CSMD1: variants seen among roughly 807,000 people sequenced by gnomAD.
CSMD1 encodes CUB and Sushi multiple domains 1.
CSMD1 carries 213 observed loss-of-function variants against 417.5 expected under a neutral mutation model. That is an observed-to-expected ratio of 0.51 (90% CI 0.46 to 0.57). CSMD1 has a LOEUF of 0.57. Among genes scored for constraint, CSMD1 ranks in the 20% least tolerant of loss-of-function variants. CSMD1 has a pLI of 0.00. For synonymous variants in CSMD1, 2,862 were observed against 1,736.8 expected, an observed-to-expected ratio of 1.65 and a Z score of -16.11; for missense variants, 6,923 against 4,529.7, an observed-to-expected ratio of 1.53 and a Z score of -15.17.
chr8:4,193,572 G>C (rs984015723), intron 3 of CSMD1, among the ~76,000 whole-genome samples: 1 of 152,196 alleles, frequency 6.6e-6, no homozygotes, highest in Admixed American at 6.5e-5. Context: ...GAAAACAAAT[G>C]AAAGAGGCAG....
intron 4 of CSMD1, among the ~76,000 whole-genome samples, chr8:4,022,919 C>A (rs948549491): frequency 6.6e-6 from 1 of 152,076 alleles, no homozygotes; most frequent in African/African-American, 2.4e-5. Flanking sequence ...AGCAAGTGTG[C>A]AACTAAGTAA....
At chr8:2,970,790 C>T (rs1388226911) in intron 57 of CSMD1, among the ~76,000 whole-genome samples, 2 of 152,154 alleles carry the variant, frequency 1.3e-5, no homozygotes, top group African/African-American at 4.8e-5. Context: ...ATACATTAAG[C>T]TACTGTTAAA....
chr8:4,678,704 C>T (rs763877049), intron 1 of CSMD1, among the ~76,000 whole-genome samples: 1 of 152,140 alleles, frequency 6.6e-6, no homozygotes, highest in Admixed American at 6.6e-5. Flanking sequence ...ATAAAAATGT[C>T]TTCAAGGACC....
At chr8:4,022,355 C>G (rs1796832412) in intron 4 of CSMD1, among the ~76,000 whole-genome samples, 1 of 152,000 alleles carries the variant, frequency 6.6e-6, no homozygotes, top group African/African-American at 2.4e-5. Flanking sequence ...GAATAGCATA[C>G]TTAAAATCAT....
At chr8:3,403,498 G>C (rs1464588600) in intron 15 of CSMD1, among the ~76,000 whole-genome samples, 2 of 152,090 alleles carry the variant, frequency 1.3e-5, no homozygotes, top group East Asian at 3.9e-4. Context: ...TTTTCTTTCT[G>C]CCGAGGGCTT....
At chr8:4,984,972 A>T (rs1811096094) in intron 1 of CSMD1, among the ~76,000 whole-genome samples, 1 of 152,160 alleles carries the variant, frequency 6.6e-6, no homozygotes, top group Non-Finnish European at 1.5e-5. Flanking sequence ...CCTAGAAAGC[A>T]CTCAGAGATT....
intron 2 of CSMD1, among the ~76,000 whole-genome samples, chr8:4,529,937 C>T (rs557409687): frequency 1.3e-4 from 19 of 150,714 alleles, no homozygotes; most frequent in Non-Finnish European, 2.5e-4. Flanking sequence ...CTGTTTGAGA[C>T]CGAGTCTCGA....
intron 12 of CSMD1, among the ~76,000 whole-genome samples, chr8:3,415,486 T>C (rs539355735): frequency 2.0e-4 from 31 of 152,346 alleles, no homozygotes; most frequent in Admixed American, 5.9e-4. Flanking sequence ...GCCTCCTGCA[T>C]ATCTGGGATT....
chr8:3,253,874 A>G (rs570713292), intron 26 of CSMD1, among the ~76,000 whole-genome samples: 48 of 152,138 alleles, frequency 3.2e-4, no homozygotes, highest in Non-Finnish European at 4.9e-4. Context: ...GCCCATTTAC[A>G]TTTAAGGTTT....
chr8:4,233,885 C>G (rs1038313745), intron 3 of CSMD1, among the ~76,000 whole-genome samples: 6 of 150,582 alleles, frequency 4.0e-5, no homozygotes, highest in Admixed American at 6.6e-5. Flanking sequence ...AAGCGGAAGC[C>G]ATATCCAGTA....
At position 4,530,061 on chromosome 8, in the gene CSMD1, C is replaced by T. The variant is rs189355079; in HGVS notation, c.302+107281G>A. Among the ~76,000 whole-genome samples the T allele has an allele frequency of 4.4e-3, 675 of 151,812 alleles. 3 individuals carry two copies. Among genetic ancestry groups the T allele is most frequent in the African/African-American group, 0.014 (590 of 41,436 alleles). On this transcript the variant is annotated intron_variant, in intron 2 of 69. Transcript: ENST00000635120. ...TCCAGAGTAGCTGGGACTACAGGTG[C>T]CCGCCACCACGCCCGACTAGTTTTT... is the stretch of plus-strand genomic sequence containing the variant.
At chr8:4,758,729 G>A (rs1811833072) in intron 1 of CSMD1, among the ~76,000 whole-genome samples, 1 of 152,102 alleles carries the variant, frequency 6.6e-6, no homozygotes, top group South Asian at 2.1e-4. Flanking sequence ...AAAGCCCAGG[G>A]GAAACTGCCA....
intron 3 of CSMD1, among the ~76,000 whole-genome samples, chr8:4,037,783 T>C (rs1797694864): frequency 6.6e-6 from 1 of 152,152 alleles, no homozygotes; most frequent in Non-Finnish European, 1.5e-5. Flanking sequence ...TCTGAGGGCC[T>C]TGAACCATTC....
chr8:4,052,924 G>C (rs977833860), intron 3 of CSMD1, among the ~76,000 whole-genome samples: 3 of 152,256 alleles, frequency 2.0e-5, no homozygotes, highest in Non-Finnish European at 1.5e-5. Context: ...TAGGCGCAGA[G>C]AGAAGTGGCT....
At chr8:4,524,079 C>G (rs1803638845) in intron 2 of CSMD1, among the ~76,000 whole-genome samples, 1 of 151,980 alleles carries the variant, frequency 6.6e-6, no homozygotes, top group East Asian at 1.9e-4. Flanking sequence ...GAACGAACAA[C>G]TAGACTCTGG....
chr8:4,240,546 G>A (rs1381509306), intron 3 of CSMD1, among the ~76,000 whole-genome samples: 2 of 152,178 alleles, frequency 1.3e-5, no homozygotes, highest in Non-Finnish European at 2.9e-5. Context: ...TGTCCTCTTA[G>A]AAGCCTGTGC....
At chr8:4,936,513 T>C (rs1467329022) in intron 1 of CSMD1, among the ~76,000 whole-genome samples, 1 of 152,212 alleles carries the variant, frequency 6.6e-6, no homozygotes, top group African/African-American at 2.4e-5. Flanking sequence ...ACACTTCTAT[T>C]GGATGGATTG....
At chr8:3,939,105 G>C (rs905380009) in intron 5 of CSMD1, among the ~76,000 whole-genome samples, 1 of 152,156 alleles carries the variant, frequency 6.6e-6, no homozygotes, top group Non-Finnish European at 1.5e-5. Context: ...AAATTGTTGA[G>C]AGTTTATTGA....
chr8:4,537,214 T>G (rs1217837598), intron 2 of CSMD1, among the ~76,000 whole-genome samples: 1 of 152,210 alleles, frequency 6.6e-6, no homozygotes, highest in African/African-American at 2.4e-5. Context: ...AAATATAATT[T>G]AAAATATTTG....
Sources: gnomAD v4.1 joint callset for allele counts (sites outside exome capture counted in the v4.1 genomes callset) on GRCh38, gnomAD v4.1.1 for gene constraint, MANE v1.5 for transcripts, NCBI Gene and HGNC (gene_info 2026-07-23, HGNC 2026-07-21) for gene names.